Variants in NBDY observed in about 807,000 individuals in gnomAD.
The protein encoded by NBDY is negative regulator of P-body association.
chrX:56,792,758 C>A (rs745505267), intron 2 of NBDY, among the ~76,000 whole-genome samples: 2 of 111,594 alleles, frequency 1.8e-5, no homozygotes, highest in South Asian at 7.5e-4. Flanking sequence ...GTGAGACAGG[C>A]GAGCATTCCT....
At chrX:56,737,861 G>A (rs935281696) in intron 2 of NBDY, among the ~76,000 whole-genome samples, 7 of 111,456 alleles carry the variant, frequency 6.3e-5, no homozygotes, top group Non-Finnish European at 1.3e-4. Flanking sequence ...ATTTTATCAC[G>A]TTTGCCTTAT....
intron 2 of NBDY, among the ~76,000 whole-genome samples, chrX:56,803,864 C>T (rs1006656427): frequency 4.5e-5 from 5 of 112,268 alleles, no homozygotes; most frequent in Non-Finnish European, 9.4e-5. Flanking sequence ...GGAGCGCTCA[C>T]CTCATCTACA....
chrX:56,754,081 C>G (rs1602653988), intron 2 of NBDY, among the ~76,000 whole-genome samples: 1 of 110,320 alleles, frequency 9.1e-6, no homozygotes, highest in East Asian at 2.8e-4. Context: ...TAGGAAAGAT[C>G]AAATAAAGAG....
At chrX:56,730,234 G>A (rs144401799) in intron 1 of NBDY, among the ~76,000 whole-genome samples, 315 of 109,136 alleles carry the variant, frequency 2.9e-3, no homozygotes, top group African/African-American at 9.9e-3. Context: ...AGGAGTAGGG[G>A]GGCGGACGCG....
rs1167771347 is a variant in NBDY at position 56,730,837 on chromosome X, G to A, written c.*30-1226G>A. Among the ~76,000 whole-genome samples, 3 of 111,637 alleles carry A rather than the reference G, an allele frequency of 2.7e-5. No homozygotes were observed. In the Admixed American group the frequency reaches 2.8e-4, roughly 11 times the overall value. ...GAAAAGGAATCTCTGATATTTAGAT[G>A]AACTTTATAGAATGCAAATTATAAA... On this transcript the variant is annotated intron_variant, in intron 1 of 2. Coordinates refer to ENST00000374922, the MANE Select transcript of NBDY (RefSeq NM_001348129.2).
At chrX:56,788,063 C>A (rs759387792) in intron 2 of NBDY, among the ~76,000 whole-genome samples, 2 of 111,956 alleles carry the variant, frequency 1.8e-5, no homozygotes, top group Non-Finnish European at 3.8e-5. Context: ...TCTGCACCTG[C>A]GGGAGCCATG....
At chrX:56,794,454 AC>A (rs2069781584) in intron 2 of NBDY, among the ~76,000 whole-genome samples, 1 of 111,751 alleles carries the variant, frequency 8.9e-6, no homozygotes, top group African/African-American at 3.3e-5. Context: ...AGGAGTACCC[AC>A]CTCACCTATA....
intron 2 of NBDY, among the ~76,000 whole-genome samples, chrX:56,799,265 C>A (rs2069809711): frequency 8.9e-6 from 1 of 112,880 alleles, no homozygotes. Context: ...CCCAAAACTT[C>A]TTTGTTCCCA....
chrX:56,797,238 A>T (rs2146735894), intron 2 of NBDY, among the ~76,000 whole-genome samples: 22 of 79,652 alleles, frequency 2.8e-4, no homozygotes, highest in African/African-American at 4.0e-4. Flanking sequence ...TTCTTCTTTG[A>T]CTTCTCTTTT....
At chrX:56,730,513 CAAAAAA>C (rs1157131797) in intron 1 of NBDY, among the ~76,000 whole-genome samples, 9 of 11,207 alleles carry the variant, frequency 8.0e-4, no homozygotes, top group Admixed American at 2.5e-3. Flanking sequence ...AACTACGTCT[CAAAAAA>C]AAAAAAAAAA....
At chrX:56,757,785 G>A (rs1416484020) in intron 2 of NBDY, among the ~76,000 whole-genome samples, 1 of 111,181 alleles carries the variant, frequency 9.0e-6, no homozygotes, top group African/African-American at 3.3e-5. Context: ...ATGGTGGGGG[G>A]AGCTTGTAGG....
intron 2 of NBDY, among the ~76,000 whole-genome samples, chrX:56,744,335 T>C (rs747958083): frequency 8.9e-6 from 1 of 111,829 alleles, no homozygotes; most frequent in South Asian, 3.7e-4. Flanking sequence ...TAAATATCTG[T>C]TAGGTCCATT....
At chrX:56,810,329 A>G (rs1416195950) in intron 2 of NBDY, among the ~76,000 whole-genome samples, 1 of 111,456 alleles carries the variant, frequency 9.0e-6, no homozygotes, top group Admixed American at 9.6e-5. Flanking sequence ...CCTGGATAAT[A>G]TCATGAAGAG....
At chrX:56,758,416 A>C (rs1179824528) in intron 2 of NBDY, among the ~76,000 whole-genome samples, 1 of 111,262 alleles carries the variant, frequency 9.0e-6, no homozygotes, top group African/African-American at 3.3e-5. Context: ...CGAGAAAGGC[A>C]TCTGTCGGGA....
chrX:56,798,204 T>G (rs780326120), intron 2 of NBDY, among the ~76,000 whole-genome samples: 2 of 112,301 alleles, frequency 1.8e-5, no homozygotes, highest in Non-Finnish European at 3.8e-5. Flanking sequence ...CGGGCAATCT[T>G]TTATCAGAAA....
At chrX:56,746,262 T>C (rs1471103484) in intron 2 of NBDY, among the ~76,000 whole-genome samples, 1 of 110,606 alleles carries the variant, frequency 9.0e-6, no homozygotes, top group African/African-American at 3.3e-5. Flanking sequence ...CTTGGTCACT[T>C]TTCTCCCTCT....
chrX:56,738,641 C>T (rs758277514), intron 2 of NBDY, among the ~76,000 whole-genome samples: 1 of 111,486 alleles, frequency 9.0e-6, no homozygotes, highest in Non-Finnish European at 1.9e-5. Context: ...TTACATTTAC[C>T]CATTAACAGC....
At chrX:56,813,748 T>C (rs1233040875) in intron 2 of NBDY, among the ~76,000 whole-genome samples, 2 of 111,562 alleles carry the variant, frequency 1.8e-5, no homozygotes, top group Non-Finnish European at 3.8e-5. Flanking sequence ...TGGGCGTTCC[T>C]TTGAGAATGA....
At chrX:56,756,198 G>A (rs1176349652) in intron 2 of NBDY, among the ~76,000 whole-genome samples, 1 of 105,315 alleles carries the variant, frequency 9.5e-6, no homozygotes, top group Non-Finnish European at 1.9e-5. Flanking sequence ...GCTAAATGAC[G>A]AGTTAATGGG....
Sources: allele counts gnomAD v4.1 joint callset (sites outside exome capture counted in the v4.1 genomes callset), GRCh38; gene constraint gnomAD v4.1.1; transcripts MANE v1.5; gene names NCBI Gene and HGNC (gene_info 2026-07-23, HGNC 2026-07-21).